NOBOX: variants seen among roughly 807,000 people sequenced by gnomAD.
NOBOX encodes homeobox protein NOBOX.
NOBOX carries 46 observed loss-of-function variants against 60.2 expected under a neutral mutation model. The observed-to-expected ratio is 0.76, with a 90% CI of 0.60 to 0.98. The LOEUF (loss-of-function observed/expected upper bound fraction) is 0.98. Among genes scored for constraint, NOBOX ranks in the 50% least tolerant of loss-of-function variants. The probability of loss-of-function intolerance (pLI) is 0.00; values close to 1 mark genes in which losing one functional copy is unlikely to be tolerated. For missense variants in NOBOX, 880 were observed against 865.5 expected, an observed-to-expected ratio of 1.02 and a Z score of -0.21; for synonymous variants, 360 against 346.3, an observed-to-expected ratio of 1.04 and a Z score of -0.44.
chr7:144,405,076 T>C (rs765871232), intron 1 of NOBOX, among the ~76,000 whole-genome samples: 2 of 152,178 alleles, frequency 1.3e-5, no homozygotes, highest in Non-Finnish European at 2.9e-5. Context: ...CCTACACATG[T>C]GGACTTTGGA....
In NOBOX at chr7:144,404,688, G is replaced by A. The variant is rs189548165; in HGVS notation, c.86-8C>T. On this transcript the variant is annotated splice_polypyrimidine_tract_variant and splice_region_variant and intron_variant, in intron 1 of 9. Coordinates refer to ENST00000467773, the MANE Select transcript of NOBOX (RefSeq NM_001080413.3). ...GTACAGCCAGGGGCGGCCCTGCCAG[G>A]GACGGTGTGGTTACTGTGTTTCCAT... The A allele has an allele frequency of 9.0e-4, 1,448 of 1,613,184 alleles. 10 individuals carry two copies. In the African/African-American group the frequency reaches 0.016, roughly 18 times the overall value.
At chr7:144,404,936 G>C (rs1012525447) in intron 1 of NOBOX, among the ~76,000 whole-genome samples, 2 of 151,156 alleles carry the variant, frequency 1.3e-5, no homozygotes, top group Non-Finnish European at 2.9e-5. Context: ...GGTGGGGAGC[G>C]GGGCGGCCTG....
chr7:144,402,224 C>A (rs556317176), intron 2 of NOBOX, among the ~76,000 whole-genome samples: 3 of 150,866 alleles, frequency 2.0e-5, no homozygotes, highest in African/African-American at 7.3e-5. Flanking sequence ...CTTCCTCCCC[C>A]TCCCTGCAAA....
chr7:144,398,728 TCTC>T (rs2053912904), intron 8 of NOBOX, 142 bp from the exon 7 acceptor site: 1 of 669,246 alleles, frequency 1.5e-6, no homozygotes, highest in Admixed American at 2.5e-5. Context: ...AGCTGCCTCT[TCTC>T]CCCACTCCCG....
chr7:144,405,488 A>T (rs2053979109), intron 1 of NOBOX, among the ~76,000 whole-genome samples: 1 of 152,190 alleles, frequency 6.6e-6, no homozygotes, highest in South Asian at 2.1e-4. Context: ...ACGGAGGAGC[A>T]GGAACCCCTT....
chr7:144,397,390 C>G lies in NOBOX; in HGVS notation c.1926G>C (p.Ser642=), dbSNP rs187097765. Residue 642 remains serine, a synonymous_variant, in exon 10 of 10, where the codon TCG becomes TCC. Coordinates refer to ENST00000467773, the MANE Select transcript of NOBOX (RefSeq NM_001080413.3). ...CTTCAGGCATCCATGAGAGAGCTGA[C>G]GAAGGCTGCCTGCCCAGAGCCTGGG... is the stretch of plus-strand genomic sequence containing the variant. 2 of 1,537,240 alleles carry G rather than the reference C, an allele frequency of 1.3e-6. No individual in the cohort carries two copies. Among genetic ancestry groups the G allele is most frequent in the Admixed American group, 2.0e-5 (1 of 51,006 alleles).
downstream of NOBOX, chr7:144,397,202 C>A: frequency 1.3e-6 from 2 of 1,493,060 alleles, no homozygotes; most frequent in South Asian, 2.6e-5. Context: ...CAATCCTATC[C>A]CACCCAAGCA....
intron 9 of NOBOX, 42 bp downstream of exon 7, chr7:144,398,240 T>C (rs773171741): frequency 6.6e-7 from 1 of 1,523,574 alleles, no homozygotes; most frequent in Non-Finnish European, 8.8e-7. Context: ...CCTCCCACCT[T>C]CCTCAATCTC....
chr7:144,404,621 A>G lies in NOBOX; in HGVS notation c.145T>C (p.Cys49Arg). 4 of 1,613,980 alleles carry G rather than the reference A, an allele frequency of 2.5e-6. No individual in the cohort carries two copies. The highest frequency in any genetic ancestry group is 3.4e-6 in the Non-Finnish European group (4 of 1,179,858). The stretch of plus-strand genomic sequence containing the variant: ...ATGAAGAAGGAGCTGAAAGAGCCAC[A>G]GACTCCGTAGATCCGGTACAGTCCA... Residue 49 changes from cysteine (C) to arginine (R), a missense_variant, in exon 2 of 10, where the codon TGT becomes CGT. Transcript: ENST00000467773.
chr7:144,402,956 CA>C (rs1209310983), intron 2 of NOBOX, among the ~76,000 whole-genome samples: 1 of 152,010 alleles, frequency 6.6e-6, no homozygotes, highest in African/African-American at 2.4e-5. Flanking sequence ...GGGGTTTTGC[CA>C]TGTTGGCCAG....
chr7:144,398,483 G>C lies in NOBOX; in HGVS notation c.1573C>G (p.Pro525Ala), dbSNP rs901658217. The change falls in exon 9 of 10, where the codon CCC becomes GCC. Residue 525 changes from proline (P) to alanine (A), a missense_variant. By Grantham distance (27) the Pro-to-Ala change is conservative (BLOSUM62 -1). Transcript: ENST00000467773. ...GGCTGAGGGGACTGGAAAAGCGGGG[G>C]CTGTGGAGCCTGGGAGAACTGGAAG... The C allele has an allele frequency of 6.5e-7, 1 of 1,537,064 alleles. No individual in the cohort carries two copies. The highest frequency in any genetic ancestry group is 8.7e-7 in the Non-Finnish European group (1 of 1,146,828).
chr7:144,406,415 G>A (rs1435173079), intron 1 of NOBOX, among the ~76,000 whole-genome samples: 2 of 152,142 alleles, frequency 1.3e-5, no homozygotes, highest in African/African-American at 2.4e-5. Context: ...AAATTTAGCT[G>A]GGTGTGGTGG....
In NOBOX at chr7:144,401,060, G is replaced by A. The variant is rs1425562050; in HGVS notation, c.830C>T (p.Thr277Ile). 6 of 1,527,600 alleles carry A rather than the reference G, an allele frequency of 3.9e-6. No homozygotes were observed. The highest frequency in any genetic ancestry group is 5.3e-6 in the Non-Finnish European group (6 of 1,140,414). The allele number at this position is 1,527,600 out of a possible 1,614,324, so 94.6% of individuals were successfully genotyped here. A position where few individuals can be genotyped will look rare whatever the true frequency, so the allele number is the denominator to read the frequency against. ...TAGGGACTTACCTGAGCGGTATAGG[G>A]TTCGTGTCTTTTTCCTAATTTGGCA... The change falls in exon 4 of 10, where the codon ACC (threonine) becomes ATC (isoleucine). Residue 277 changes from threonine to isoleucine, a missense_variant. Thr to Ile is a moderately conservative substitution (Grantham distance 89). Coordinates refer to ENST00000467773, the MANE Select transcript of NOBOX (RefSeq NM_001080413.3). The surrounding 1 kb of genome is among the most constrained non-coding windows in gnomAD (Gnocchi z 4.2).
chr7:144,397,174 C>T, downstream of NOBOX: 1 of 1,390,276 alleles, frequency 7.2e-7, no homozygotes, highest in African/African-American at 1.4e-5. Context: ...CCCCCAACCC[C>T]TGTCCTCTCA....
At chr7:144,407,953 C>G (rs998264715) in intron 1 of NOBOX, among the ~76,000 whole-genome samples, 3 of 152,210 alleles carry the variant, frequency 2.0e-5, no homozygotes, top group African/African-American at 7.2e-5. Context: ...CACATCCATT[C>G]TAATTCTCCT....
At position 144,398,425 on chromosome 7, in the gene NOBOX, G is replaced by A. The variant is rs757179529; in HGVS notation, c.1631C>T (p.Ser544Phe). ...TGGAAGCGTCAGTGAACTGGGCATGGAGAAGGGGAAAGTGGGGAGGTAGGG... is the reference window on the plus strand; with the variant it reads ...TGGAAGCGTCAGTGAACTGGGCATGAAGAAGGGGAAAGTGGGGAGGTAGGG... Residue 544 changes from serine to phenylalanine, a missense_variant, in exon 9 of 10, where the codon TCC (serine) becomes TTC (phenylalanine). Physicochemically the swap from Ser to Phe is radical, Grantham distance 155. Transcript: ENST00000467773. 6 of 1,537,326 alleles carry A rather than the reference G, an allele frequency of 3.9e-6. No individual in the cohort carries two copies. The South Asian group carries it at 5.9e-5, about 15-fold the overall frequency.
rs560537026 is a variant in NOBOX at position 144,404,335 on chromosome 7, C to T, written c.210+221G>A. Among the ~76,000 whole-genome samples, 7 of 152,076 alleles carry T rather than the reference C, an allele frequency of 4.6e-5. No homozygotes were observed. The East Asian group carries it at 1.2e-3, about 25-fold the overall frequency. On this transcript the variant is annotated intron_variant, in intron 2 of 9. Coordinates refer to ENST00000467773, the MANE Select transcript of NOBOX (RefSeq NM_001080413.3). ...GGATCTCGGCTCACTGCAACCTCTG[C>T]CTCCCGGGTTCAAGCGATTCTCCTG...
rs554506207 is a variant in NOBOX, at chr7:144,398,972, G to C, written c.1447C>G (p.Pro483Ala). 75 of 1,566,674 alleles carry C rather than the reference G, an allele frequency of 4.8e-5. No individual in the cohort carries two copies. In the South Asian group the frequency reaches 8.1e-4, roughly 17 times the overall value. The change falls in exon 8 of 10, where the codon CCC becomes GCC. Residue 483 changes from proline (P) to alanine (A), a missense_variant. Pro to Ala is a conservative substitution (Grantham distance 27, BLOSUM62 -1). Coordinates refer to ENST00000467773, the MANE Select transcript of NOBOX (RefSeq NM_001080413.3). ...TACCTTGTCCCCCAGGACCCACAGG[G>C]GCCGTCCTTGTGGCTGCTGTCACTG... is the stretch of plus-strand genomic sequence containing the variant.
In NOBOX at chr7:144,397,246, G is replaced by A; in HGVS notation, c.2070C>T (p.Val690=). The change falls in exon 10 of 10, where the codon GTC becomes GTT. Residue 690 remains valine (V), a synonymous_variant. Transcript: ENST00000467773. Reference sequence around the variant, plus strand: ...TCACTCTTTGACCCCCCAACTAGGGGACATGGCTATTCTTGTCATCCCCTC... The same window carrying A: ...TCACTCTTTGACCCCCCAACTAGGGAACATGGCTATTCTTGTCATCCCCTC... 1 of 1,528,296 alleles carries A rather than the reference G, an allele frequency of 6.5e-7. No individual in the cohort carries two copies. The highest frequency in any genetic ancestry group is 8.8e-7 in the Non-Finnish European group (1 of 1,139,984). The allele number at this position is 1,528,296 out of a possible 1,614,324, so 94.7% of individuals were successfully genotyped here.
Sources: allele counts gnomAD v4.1 joint callset (sites outside exome capture counted in the v4.1 genomes callset), GRCh38; gene constraint gnomAD v4.1.1; non-coding constraint Gnocchi (gnomAD v3.1); transcripts MANE v1.5; gene names NCBI Gene and HGNC (gene_info 2026-07-23, HGNC 2026-07-21).